The following FGD1 variants were observed in gnomAD, a reference collection of about 807,000 sequenced individuals.
FGD1 encodes FYVE, RhoGEF and PH domain-containing protein 1.
A neutral mutation model predicts 65.0 loss-of-function variants in FGD1; 12 were observed. The observed-to-expected ratio is 0.18, with a 90% CI of 0.12 to 0.30. FGD1 has a LOEUF of 0.30. Among genes scored for constraint, FGD1 ranks in the 10% least tolerant of loss-of-function variants. FGD1 has a pLI of 1.00. For synonymous variants in FGD1, 333 were observed against 343.9 expected (o/e 0.97, Z 0.35); for missense variants, 542 against 837.6 (o/e 0.65, Z 4.36).
intron 1 of FGD1, among the ~76,000 whole-genome samples, chrX:54,472,234 C>T (rs1158184837): frequency 9.2e-6 from 1 of 108,167 alleles, no homozygotes; most frequent in Non-Finnish European, 1.9e-5. Flanking sequence ...GCTGAGATCA[C>T]CCCACTGCAC....
chrX:54,456,268 A>G lies in FGD1; in HGVS notation c.1794T>C (p.Leu598=), dbSNP rs1397698936. The part of the protein sequence containing the change: ...TKELIKEGHI[L]KLSAKNGTTQ... The stretch of plus-strand genomic sequence containing the variant: ...TGGTCCCATTCTTTGCTGACAGCTT[A>G]AGGATGTGGCCTTCTTTTATGAGCT... Residue 598 remains leucine, a synonymous_variant, in exon 10 of 18, where the codon CTT becomes CTC. Transcript: ENST00000375135. 1 of 1,211,082 alleles carries G rather than the reference A, an allele frequency of 8.3e-7. No individual in the cohort carries two copies.
At chrX:54,454,104 T>C (rs1922438851) in intron 12 of FGD1, among the ~76,000 whole-genome samples, 1 of 111,604 alleles carries the variant, frequency 9.0e-6, no homozygotes, top group Non-Finnish European at 1.9e-5. Flanking sequence ...GTACATACAG[T>C]CACGCGTCAC....
At chrX:54,481,635 A>G (rs1368127604) in intron 1 of FGD1, among the ~76,000 whole-genome samples, 1 of 105,668 alleles carries the variant, frequency 9.5e-6, no homozygotes, top group Non-Finnish European at 1.9e-5. Flanking sequence ...TTGGGAAAGA[A>G]ATCACATTTG....
chrX:54,464,673 C>T (rs1278862244), intron 8 of FGD1, among the ~76,000 whole-genome samples: 1 of 110,578 alleles, frequency 9.0e-6, no homozygotes, highest in Non-Finnish European at 1.9e-5. Context: ...GTGTGGGGTT[C>T]AGGTTGATAC....
At position 54,470,714 on chromosome X, in the gene FGD1, T is replaced by TGGGGGGGGGGGGGGGGCTCGAGG. The variant is rs756586058; in HGVS notation, c.527_528insCCTCGAGCCCCCCCCCCCCCCCC (p.Ile180ProfsTer43). ...ATGGTGGAGGGGGGATGGGCTCCAG[T>TGGGGGGGGGGGGGGGGCTCGAGG]GGGGGGGGCATCCGGGGCATCTGCA... On this transcript the variant is annotated frameshift_variant, in exon 3 of 18. Coordinates refer to ENST00000375135, the MANE Select transcript of FGD1 (RefSeq NM_004463.3). LOFTEE classifies it high-confidence loss of function. 5.8e-6 allele frequency: 1 copy of TGGGGGGGGGGGGGGGGCTCGAGG among 172,601 alleles called. No homozygotes were observed. The highest frequency in any genetic ancestry group is 1.4e-4 in the Admixed American group (1 of 6,949). The allele number at this position is 172,601 out of a possible 1,213,427, so 14.2% of individuals were successfully genotyped here. A position where few individuals can be genotyped will look rare whatever the true frequency, so the allele number is the denominator to read the frequency against.
rs748982110 is a variant in FGD1, at chrX:54,470,638, C to A, written c.604G>T (p.Ala202Ser). ...GCTGCAGAACTGGGGCTGGCCTCTG[C>A]CCTGGGAGCCAGGCCCTTGGCCACT... ...PRVAKGLAPRAEASPSSAAVS... is the reference protein window; with the variant it reads ...PRVAKGLAPRSEASPSSAAVS... The change falls in exon 3 of 18, where the codon GCA becomes TCA. Residue 202 changes from alanine to serine, a missense_variant. Ala to Ser is a moderately conservative substitution (Grantham distance 99). This residue lies in a region of FGD1 where 297 missense variants were observed against 326.8 expected (regional missense o/e 0.91). Coordinates refer to ENST00000375135, the MANE Select transcript of FGD1 (RefSeq NM_004463.3). The A allele has an allele frequency of 8.3e-7, 1 of 1,204,890 alleles. No individual in the cohort carries two copies. The highest frequency in any genetic ancestry group is 3.0e-5 in the East Asian group (1 of 33,612).
In FGD1 at chrX:54,446,085, G is replaced by C; in HGVS notation, c.*24C>G. 8.6e-7 allele frequency: 1 copy of C among 1,169,450 alleles called. No individual in the cohort carries two copies. On this transcript the variant is annotated 3_prime_UTR_variant, in exon 18 of 18. Transcript: ENST00000375135. Reference sequence around the variant, plus strand: ...ATGGGCAACTAGAGTGTGGGGTGGGGGCTCCCAGTTTGTCCCAAACCCTCT... The same window carrying C: ...ATGGGCAACTAGAGTGTGGGGTGGGCGCTCCCAGTTTGTCCCAAACCCTCT...
In FGD1 at chrX:54,445,903, T is replaced by A; in HGVS notation, c.*206A>T. ...CCTGGGGACAGGGATTAATAAAAAT[T>A]GACATCACTGTAGGAATATATTTTT... On this transcript the variant is annotated 3_prime_UTR_variant, in exon 18 of 18. Transcript: ENST00000375135. 4.8e-6 allele frequency: 2 copies of A among 416,140 alleles called. No individual in the cohort carries two copies. Among genetic ancestry groups the A allele is most frequent in the Non-Finnish European group, 8.3e-6 (2 of 239,529 alleles). 34.3% of individuals were successfully genotyped at this position (416,140 alleles called of 1,213,427 possible). A position where few individuals can be genotyped will look rare whatever the true frequency, so the allele number is the denominator to read the frequency against.
At chrX:54,463,721 C>G (rs979850334) in intron 8 of FGD1, among the ~76,000 whole-genome samples, 1 of 111,434 alleles carries the variant, frequency 9.0e-6, no homozygotes, top group Non-Finnish European at 1.9e-5. Flanking sequence ...GTCCAGCACC[C>G]CACCTCCCCT....
chrX:54,470,203 G>T lies in FGD1; in HGVS notation c.914C>A (p.Pro305His). 8.3e-7 allele frequency: 1 copy of T among 1,207,658 alleles called. No individual in the cohort carries two copies. Among genetic ancestry groups the T allele is most frequent in the South Asian group, 1.8e-5 (1 of 56,169 alleles). Reference sequence around the variant, plus strand: ...CCCAGGGCAGAGGCTGTGGCTGGGGGGCCCGTCATCACTGACGAAGCAGGT... The same window carrying T: ...CCCAGGGCAGAGGCTGTGGCTGGGGTGCCCGTCATCACTGACGAAGCAGGT... ...EETCFVSDDG[P>H]PSHSLCPGPP... is the part of the protein sequence containing the mutation. Residue 305 changes from proline (P) to histidine (H), a missense_variant, in exon 4 of 18, where the codon CCC becomes CAC. This residue lies in a region of FGD1 where 297 missense variants were observed against 326.8 expected (regional missense o/e 0.91). Transcript: ENST00000375135.
intron 8 of FGD1, among the ~76,000 whole-genome samples, chrX:54,461,627 GAAAAAGA>G (rs1922638254): frequency 1.2e-5 from 1 of 81,781 alleles, no homozygotes; most frequent in Non-Finnish European, 2.4e-5. Context: ...AAAAAAAAAA[GAAAAAGA>G]AAAAAGAAAA....
At chrX:54,488,479 G>T (rs1923341979) in intron 1 of FGD1, among the ~76,000 whole-genome samples, 1 of 105,143 alleles carries the variant, frequency 9.5e-6, no homozygotes, top group African/African-American at 3.5e-5. Flanking sequence ...CAGCTACTTG[G>T]GAGACTGAGG....
chrX:54,492,431 T>C (rs926353738), intron 1 of FGD1, among the ~76,000 whole-genome samples: 6 of 111,829 alleles, frequency 5.4e-5, no homozygotes, highest in Admixed American at 2.8e-4. Flanking sequence ...AGCCCTTTAA[T>C]TGAAGCTCAG....
intron 6 of FGD1, 79 bp from the exon 7 acceptor site, chrX:54,465,931 G>T: frequency 9.3e-7 from 1 of 1,071,133 alleles, no homozygotes; most frequent in Non-Finnish European, 1.3e-6. Flanking sequence ...TCCAGCCCCA[G>T]GCAGATACCT....
chrX:54,450,240 T>C, intron 13 of FGD1, 31 bp downstream of exon 13: 1 of 1,194,286 alleles, frequency 8.4e-7, no homozygotes, highest in Non-Finnish European at 1.1e-6. Flanking sequence ...AATACTCTTC[T>C]AGCCCCCTAC....
chrX:54,463,700 A>G (rs1235967296), intron 8 of FGD1, among the ~76,000 whole-genome samples: 2 of 111,344 alleles, frequency 1.8e-5, no homozygotes, highest in African/African-American at 6.5e-5. Flanking sequence ...TGATCCAGAG[A>G]TATGCAACCT....
intron 1 of FGD1, among the ~76,000 whole-genome samples, chrX:54,489,650 C>T (rs1923372672): frequency 1.8e-5 from 2 of 111,664 alleles, no homozygotes; most frequent in Admixed American, 1.9e-4. Flanking sequence ...TACCATTTCA[C>T]ACCAGTCGGA....
intron 6 of FGD1, among the ~76,000 whole-genome samples, chrX:54,466,578 T>C (rs143372421): frequency 2.3e-3 from 256 of 111,522 alleles, no homozygotes; most frequent in African/African-American, 8.0e-3. Context: ...ACCTCAGGAC[T>C]CAGCTTAGGC....
At position 54,492,914 on chromosome X, in the gene FGD1, CAA is replaced by C. The variant is rs57186509; in HGVS notation, c.307+2210_307+2211del. On this transcript the variant is annotated intron_variant, in intron 1 of 17. Coordinates refer to ENST00000375135, the MANE Select transcript of FGD1 (RefSeq NM_004463.3). ...CTTATTCCTAATCCCCATCTTGAAT[CAA>C]AAAAAAAAAAAAAAAAGACACCCAC... 2.5e-3 allele frequency among the ~76,000 whole-genome samples: 163 copies of C among 64,719 alleles called. 2 individuals carry two copies. The highest frequency in any genetic ancestry group is 4.3e-3 in the African/African-American group (94 of 21,729). 56.2% of individuals were successfully genotyped at this position (64,719 alleles called of 115,157 possible).
Sources: allele counts gnomAD v4.1 joint callset (sites outside exome capture counted in the v4.1 genomes callset), GRCh38; gene constraint gnomAD v4.1.1; regional missense constraint gnomAD v4.1.1; transcripts MANE v1.5; gene names NCBI Gene and HGNC (gene_info 2026-07-23, HGNC 2026-07-21).